MCCC1: variants seen among roughly 807,000 people sequenced by gnomAD.
The protein encoded by MCCC1 is methylcrotonyl-CoA carboxylase subunit 1, also known as methylcrotonoyl-CoA carboxylase subunit alpha, mitochondrial.
MCCC1 carries 64 observed loss-of-function variants against 83.8 expected under a neutral mutation model. The observed-to-expected ratio is 0.76, with a 90% CI of 0.62 to 0.94. MCCC1 has a LOEUF of 0.94. MCCC1 is among the 40% of genes least tolerant of loss of function. The pLI is 0.00. For missense variants in MCCC1, 807 were observed against 904.7 expected (o/e 0.89, Z 1.39); for synonymous variants, 322 against 315.4 (o/e 1.02, Z -0.22).
chr3:183,033,662 C>T (rs1187360581), intron 14 of MCCC1, among the ~76,000 whole-genome samples: 1 of 151,548 alleles, frequency 6.6e-6, no homozygotes, highest in Non-Finnish European at 1.5e-5. Flanking sequence ...AAAAAAAGTA[C>T]AAAGAATTGG....
At chr3:183,091,430 G>A (rs771102997) in intron 3 of MCCC1, among the ~76,000 whole-genome samples, 22 of 152,160 alleles carry the variant, frequency 1.4e-4, no homozygotes, top group Admixed American at 5.9e-4. Flanking sequence ...GTAGCCAGGC[G>A]TGGTGGTGTG....
At chr3:183,077,514 T>A (rs913219076) in intron 4 of MCCC1, among the ~76,000 whole-genome samples, 3 of 152,328 alleles carry the variant, frequency 2.0e-5, no homozygotes, top group Admixed American at 2.0e-4. Context: ...TTAATGGGCT[T>A]TCTGGTCATT....
At chr3:183,016,642 C>T (rs559651859) in intron 18 of MCCC1, among the ~76,000 whole-genome samples, 3 of 152,272 alleles carry the variant, frequency 2.0e-5, no homozygotes, top group East Asian at 1.9e-4. Context: ...CCTTGACTTA[C>T]GATGGGGTCA....
upstream of MCCC1, among the ~76,000 whole-genome samples, chr3:183,103,657 C>G (rs767851304): frequency 3.9e-5 from 6 of 152,236 alleles, no homozygotes; most frequent in Non-Finnish European, 5.9e-5. Context: ...CACGTCCCCA[C>G]CAGACTCAGG....
At chr3:183,091,155 T>C in intron 3 of MCCC1, 1 of 377,928 alleles carries the variant, frequency 2.6e-6, no homozygotes, top group South Asian at 2.0e-5. Flanking sequence ...TGTACAGTGA[T>C]AAAAGCCCAG....
At chr3:183,080,608 C>T (rs1222805872) in intron 4 of MCCC1, among the ~76,000 whole-genome samples, 2 of 152,222 alleles carry the variant, frequency 1.3e-5, no homozygotes, top group Non-Finnish European at 2.9e-5. Context: ...CTGTTCCAAC[C>T]TCTGCCTGTT....
intron 3 of MCCC1, among the ~76,000 whole-genome samples, chr3:183,090,761 G>A (rs571030750): frequency 3.9e-5 from 6 of 152,080 alleles, no homozygotes; most frequent in African/African-American, 1.4e-4. Flanking sequence ...AGCTAATTTT[G>A]TATTTTTAAT....
chr3:183,025,327 A>G (rs1229258539), intron 15 of MCCC1, among the ~76,000 whole-genome samples: 3 of 152,246 alleles, frequency 2.0e-5, no homozygotes, highest in African/African-American at 7.2e-5. Context: ...AAAAATTAGA[A>G]ATTAAATTTT....
intron 9 of MCCC1, among the ~76,000 whole-genome samples, chr3:183,047,375 C>G (rs1457093638): frequency 1.3e-5 from 2 of 152,166 alleles, no homozygotes; most frequent in Non-Finnish European, 2.9e-5. Context: ...CCAGCCTTAT[C>G]ACATTACCAA....
At chr3:183,041,807 G>T in intron 10 of MCCC1, 57 bp from the exon 11 acceptor site, 2 of 1,584,994 alleles carry the variant, frequency 1.3e-6, no homozygotes, top group Admixed American at 3.3e-5. Flanking sequence ...ACCAGACTTA[G>T]TAAATCAATG....
intron 1 of MCCC1, among the ~76,000 whole-genome samples, chr3:183,095,525 C>T (rs575852233): frequency 6.6e-6 from 1 of 152,272 alleles, no homozygotes; most frequent in South Asian, 2.1e-4. Context: ...GACCAGCTTG[C>T]CCAGGGTCGA....
At chr3:183,018,479 C>T (rs112716300) in intron 17 of MCCC1, among the ~76,000 whole-genome samples, 3 of 135,652 alleles carry the variant, frequency 2.2e-5, no homozygotes, top group East Asian at 2.3e-4. Flanking sequence ...AGGTCAAATG[C>T]ACTGGTCAAA....
intron 4 of MCCC1, among the ~76,000 whole-genome samples, chr3:183,077,634 T>A (rs528075902): frequency 6.0e-4 from 91 of 152,352 alleles, no homozygotes; most frequent in African/African-American, 2.2e-3. Flanking sequence ...ATCATTTTTT[T>A]TCGTGAACCT....
intron 7 of MCCC1, among the ~76,000 whole-genome samples, chr3:183,065,558 T>G (rs996214186): frequency 6.6e-6 from 1 of 151,824 alleles, no homozygotes; most frequent in Non-Finnish European, 1.5e-5. Context: ...GTGAAATGCG[T>G]TTTTTTTGTT....
At chr3:183,089,820 T>C (rs1045633232) in intron 3 of MCCC1, among the ~76,000 whole-genome samples, 7 of 152,186 alleles carry the variant, frequency 4.6e-5, no homozygotes, top group Non-Finnish European at 1.0e-4. Flanking sequence ...AATGGTGTTG[T>C]ACTCTACGGG....
intron 7 of MCCC1, among the ~76,000 whole-genome samples, chr3:183,068,272 A>G (rs1716399289): frequency 6.6e-6 from 1 of 152,242 alleles, no homozygotes; most frequent in Admixed American, 6.5e-5. Context: ...AGCAAAAGAT[A>G]CAGGTCATAC....
intron 9 of MCCC1, among the ~76,000 whole-genome samples, chr3:183,048,496 A>G (rs1437755122): frequency 6.6e-6 from 1 of 152,238 alleles, no homozygotes; most frequent in East Asian, 1.9e-4. Flanking sequence ...ACTTCAGAGC[A>G]GGGAAAGTTA....
intron 7 of MCCC1, among the ~76,000 whole-genome samples, chr3:183,058,348 C>T (rs1715579893): frequency 6.6e-6 from 1 of 152,118 alleles, no homozygotes; most frequent in African/African-American, 2.4e-5. Flanking sequence ...GGCACAGTGC[C>T]TCACACTTAT....
chr3:183,048,245 T>C (rs13097765), intron 9 of MCCC1, among the ~76,000 whole-genome samples: 84,316 of 152,018 alleles, frequency 0.55, 28,760 homozygotes, highest in Non-Finnish European at 0.76. Flanking sequence ...GGGGAATAAA[T>C]AGAAAACAAT....
Sources: allele counts gnomAD v4.1 joint callset (sites outside exome capture counted in the v4.1 genomes callset), GRCh38; gene constraint gnomAD v4.1.1; transcripts MANE v1.5; gene names NCBI Gene and HGNC (gene_info 2026-07-23, HGNC 2026-07-21).